Variants in PRIMPOL observed in about 807,000 individuals in gnomAD.
PRIMPOL encodes DNA-directed primase/polymerase protein.
PRIMPOL carries 54 observed loss-of-function variants against 63.6 expected under a neutral mutation model. That is an observed-to-expected ratio of 0.85 (90% CI 0.68 to 1.07). PRIMPOL has a LOEUF of 1.07. PRIMPOL is among the 50% of genes least tolerant of loss of function. The probability of loss-of-function intolerance (pLI) is 0.00; values close to 1 mark genes in which losing one functional copy is unlikely to be tolerated. For missense variants in PRIMPOL, 610 were observed against 648.3 expected, an observed-to-expected ratio of 0.94 and a Z score of 0.64; for synonymous variants, 197 against 220.2, an observed-to-expected ratio of 0.89 and a Z score of 0.93.
chr4:184,657,544 A>G, intron 3 of PRIMPOL: 1 of 437,430 alleles, frequency 2.3e-6, no homozygotes. Flanking sequence ...TAGTAATGAA[A>G]AAGAATGACA....
At chr4:184,690,882 GTTGTTTCAAGTTGTTC>G (rs1227213249) in intron 11 of PRIMPOL, among the ~76,000 whole-genome samples, 1 of 152,032 alleles carries the variant, frequency 6.6e-6, no homozygotes, top group Non-Finnish European at 1.5e-5. Flanking sequence ...TGAACCATTG[GTTGTTTCAAGTTGTTC>G]TTAATTTCCA....
chr4:184,689,050 T>G (rs1283791356), intron 11 of PRIMPOL, among the ~76,000 whole-genome samples: 1 of 149,818 alleles, frequency 6.7e-6, no homozygotes, highest in Admixed American at 6.6e-5. Context: ...ACTCTCCATT[T>G]TTTCATTTTT....
intron 9 of PRIMPOL, 148 bp from the exon 10 acceptor site, chr4:184,685,261 G>T (rs1756704495): frequency 1.6e-6 from 1 of 626,170 alleles, no homozygotes; most frequent in African/African-American, 1.8e-5. Context: ...TCCTTGTAGT[G>T]TCACAAACAT....
chr4:184,692,856 A>ATCTC (rs372943881), intron 13 of PRIMPOL, among the ~76,000 whole-genome samples: 31 of 152,300 alleles, frequency 2.0e-4, no homozygotes, highest in African/African-American at 7.0e-4. Flanking sequence ...TTTAATTTGC[A>ATCTC]TCTCTGTAAT....
intron 7 of PRIMPOL, among the ~76,000 whole-genome samples, chr4:184,676,000 C>T (rs1359893843): frequency 6.6e-6 from 1 of 152,184 alleles, no homozygotes; most frequent in Non-Finnish European, 1.5e-5. Context: ...GTATTTTCCT[C>T]TGTGGTCAGT....
At chr4:184,683,650 A>C (rs2150143471) in intron 9 of PRIMPOL, among the ~76,000 whole-genome samples, 1 of 152,286 alleles carries the variant, frequency 6.6e-6, no homozygotes, top group Admixed American at 6.5e-5. Context: ...TCAGTCTTTT[A>C]ATGGTTGTAT....
chr4:184,683,954 GTGTATGGTA>G (rs1424908073), intron 9 of PRIMPOL, among the ~76,000 whole-genome samples: 1 of 151,996 alleles, frequency 6.6e-6, no homozygotes, highest in East Asian at 1.9e-4. Flanking sequence ...CTAAAATTAT[GTGTATGGTA>G]TGATTACAAG....
chr4:184,694,885 C>G lies in PRIMPOL; in HGVS notation c.*106C>G. The G allele has an allele frequency of 2.0e-6, 2 of 1,005,402 alleles. No homozygotes were observed. The highest frequency in any genetic ancestry group is 2.9e-5 in the Admixed American group (1 of 34,750). 62.3% of individuals were successfully genotyped at this position (1,005,402 alleles called of 1,614,324 possible). A position where few individuals can be genotyped will look rare whatever the true frequency, so the allele number is the denominator to read the frequency against. ...TGTTTATATAAACTAAGTTTTATTA[C>G]TTTGCTTTCCAATTTTTGTTTTTTA... On this transcript the variant is annotated 3_prime_UTR_variant, in exon 14 of 14. Coordinates refer to ENST00000314970, the MANE Select transcript of PRIMPOL (RefSeq NM_152683.4).
chr4:184,657,224 T>C lies in PRIMPOL; in HGVS notation c.84T>C (p.Tyr28=). ...HYERKPLSSV[Y]RPRLSKPEEP... The stretch of plus-strand genomic sequence containing the variant: ...AGAGGAAACCGTTGTCCTCAGTGTA[T>C]AGACCAAGATTGTCCAAGCCAGAAG... The change falls in exon 3 of 14, where the codon TAT becomes TAC. Residue 28 remains tyrosine, a synonymous_variant. Transcript: ENST00000314970. 1 of 1,613,920 alleles carries C rather than the reference T, an allele frequency of 6.2e-7. No individual in the cohort carries two copies.
In PRIMPOL at chr4:184,685,689, G is replaced by C. The variant is rs755238192; in HGVS notation, c.1295+5G>C. 1.9e-5 allele frequency: 24 copies of C among 1,252,720 alleles called. 1 individual carries two copies. The highest frequency in any genetic ancestry group is 2.6e-5 in the Non-Finnish European group (23 of 871,304). The allele number at this position is 1,252,720 out of a possible 1,614,324, so 77.6% of individuals were successfully genotyped here. ...CCATAAGAGTAATAATATAATGTAA[G>C]TAATATTAATGATTTGTGTGTATTT... On this transcript the variant is annotated splice_donor_5th_base_variant and intron_variant, in intron 11 of 13. Coordinates refer to ENST00000314970, the MANE Select transcript of PRIMPOL (RefSeq NM_152683.4).
At chr4:184,694,105 C>G (rs1300733682) in intron 13 of PRIMPOL, 1 of 467,756 alleles carries the variant, frequency 2.1e-6, no homozygotes, top group Non-Finnish European at 2.8e-6. Flanking sequence ...TGTTTTTAAT[C>G]TTTTTTCAAT....
intron 9 of PRIMPOL, among the ~76,000 whole-genome samples, chr4:184,683,578 C>T (rs1170033043): frequency 3.9e-5 from 6 of 152,162 alleles, no homozygotes; most frequent in African/African-American, 1.4e-4. Context: ...CCACTGCAAT[C>T]ATTTGCTATT....
At chr4:184,674,702 A>G (rs893225608) in intron 7 of PRIMPOL, among the ~76,000 whole-genome samples, 1 of 152,226 alleles carries the variant, frequency 6.6e-6, no homozygotes, top group Non-Finnish European at 1.5e-5. Context: ...TACGTATTAT[A>G]TACTGGATTC....
At chr4:184,651,778 G>A (rs2720385) in intron 1 of PRIMPOL, among the ~76,000 whole-genome samples, 146,596 of 152,158 alleles carry the variant, frequency 0.96, 70,889 homozygotes, top group East Asian at 1. Context: ...CCTCCCAAGT[G>A]GCTGGGATTA....
chr4:184,659,803 G>A (rs112987837), intron 4 of PRIMPOL, among the ~76,000 whole-genome samples: 2 of 152,082 alleles, frequency 1.3e-5, no homozygotes, highest in African/African-American at 4.8e-5. Flanking sequence ...TAAATTATTT[G>A]TTATTAGCTT....
At chr4:184,655,968 T>C (rs1334418094) in intron 2 of PRIMPOL, among the ~76,000 whole-genome samples, 4 of 152,212 alleles carry the variant, frequency 2.6e-5, no homozygotes, top group Admixed American at 6.5e-5. Flanking sequence ...TTTTTTCTTA[T>C]AGCTCTGTGG....
At chr4:184,671,473 AGGGCACGAGAGCCCTTCATTCTGTAATC>A (rs1173130803) in intron 6 of PRIMPOL, among the ~76,000 whole-genome samples, 7 of 152,054 alleles carry the variant, frequency 4.6e-5, no homozygotes, top group African/African-American at 1.4e-4. Flanking sequence ...TGATCTCTTA[AGGGCACGAGAGCCCTTCATTCTGTAATC>A]ATTGAATGTG....
intron 7 of PRIMPOL, among the ~76,000 whole-genome samples, chr4:184,676,257 C>T (rs1039239656): frequency 1.3e-5 from 2 of 151,618 alleles, no homozygotes. Context: ...CAAGTGCATA[C>T]GACCACACTT....
At chr4:184,691,892 C>T (rs984213694) in intron 13 of PRIMPOL, among the ~76,000 whole-genome samples, 180 bp downstream of exon 13, 2 of 83,576 alleles carry the variant, frequency 2.4e-5, no homozygotes, top group African/African-American at 1.0e-4. Context: ...TCTGATAATA[C>T]AAACCTTTTT....
Sources: allele counts gnomAD v4.1 joint callset (sites outside exome capture counted in the v4.1 genomes callset), GRCh38; gene constraint gnomAD v4.1.1; transcripts MANE v1.5; gene names NCBI Gene and HGNC (gene_info 2026-07-23, HGNC 2026-07-21).